UHRF1: variants seen among roughly 807,000 people sequenced by gnomAD.
UHRF1 encodes the protein ubiquitin like with PHD and ring finger domains 1, also known as E3 ubiquitin-protein ligase UHRF1.
In UHRF1, 9 loss-of-function variants were observed where a neutral mutation model predicts 96.5. The ratio of observed to expected loss-of-function variants is 0.09; its 90% CI spans 0.06 to 0.16. The LOEUF (loss-of-function observed/expected upper bound fraction) is 0.16, where lower values mean the gene tolerates loss of function less well. UHRF1 is among the 10% of genes least tolerant of loss of function. The pLI is 1.00. For synonymous variants in UHRF1, 455 were observed against 469.9 expected (o/e 0.97, Z 0.41); for missense variants, 626 against 1,131.1 (o/e 0.55, Z 6.40).
chr19:4,941,673 G>A (rs1318854896), intron 6 of UHRF1, 45 bp downstream of exon 6: 1 of 1,585,422 alleles, frequency 6.3e-7, no homozygotes. Context: ...GGTGGGCACG[G>A]GGCGGGGGCT....
chr19:4,955,940 A>AT (rs1303614391), intron 15 of UHRF1, among the ~76,000 whole-genome samples: 20 of 150,808 alleles, frequency 1.3e-4, no homozygotes, highest in Middle Eastern at 3.4e-3. Flanking sequence ...TATTTTTATT[A>AT]TTTTTTTTTG....
At chr19:4,947,488 A>ATTTTTTTTTTT (rs1568427975) in intron 11 of UHRF1, among the ~76,000 whole-genome samples, 16 of 70,362 alleles carry the variant, frequency 2.3e-4, no homozygotes, top group South Asian at 5.2e-4. Context: ...GATAATAGAT[A>ATTTTTTTTTTT]TCTTTTTTTT....
At chr19:4,933,955 CTT>C (rs2033137250) in intron 5 of UHRF1, among the ~76,000 whole-genome samples, 2 of 90,492 alleles carry the variant, frequency 2.2e-5, no homozygotes, top group Non-Finnish European at 4.2e-5. Context: ...TCCCTTGCCT[CTT>C]TGTGTGTGTG....
chr19:4,927,128 C>T (rs374164590), intron 2 of UHRF1, among the ~76,000 whole-genome samples: 1 of 151,842 alleles, frequency 6.6e-6, no homozygotes, highest in East Asian at 1.9e-4. Context: ...TGCTGTAATC[C>T]CAGCTCTTTG....
chr19:4,926,453 G>T (rs1254073546), intron 2 of UHRF1, among the ~76,000 whole-genome samples: 1 of 152,192 alleles, frequency 6.6e-6, no homozygotes, highest in Admixed American at 6.6e-5. Context: ...GTGGGCCCTC[G>T]ATGTCCACGG....
At chr19:4,926,357 GCCT>G in intron 2 of UHRF1, among the ~76,000 whole-genome samples, 1 of 152,324 alleles carries the variant, frequency 6.6e-6, no homozygotes, top group East Asian at 1.9e-4. Context: ...CTGGCCCTGA[GCCT>G]CCTCCTGGCT....
chr19:4,934,173 G>A (rs1290170808), intron 5 of UHRF1, among the ~76,000 whole-genome samples: 2 of 151,592 alleles, frequency 1.3e-5, no homozygotes, highest in Admixed American at 6.6e-5. Flanking sequence ...ACAGGCGCCC[G>A]CCACCACGTC....
At chr19:4,929,120 C>CCT (rs2032966418) in intron 2 of UHRF1, 102 bp from the exon 3 acceptor site, 2 of 1,472,950 alleles carry the variant, frequency 1.4e-6, no homozygotes, top group African/African-American at 1.4e-5. Flanking sequence ...TTGCCCCCCC[C>CCT]CCACAAGGGC....
At position 4,920,346 on chromosome 19, in the gene UHRF1, C is replaced by T. The variant is rs189742789; in HGVS notation, c.154-8876C>T. Among the ~76,000 whole-genome samples the T allele has an allele frequency of 8.3e-3, 1,265 of 152,054 alleles. 14 individuals carry two copies. The highest frequency in any genetic ancestry group is 0.014 in the Middle Eastern group (4 of 294). ...ATTCGGGAGGCTGAGGCAGGAGAAT[C>T]GCTTGAACCCGGGAGACGGAGGTTG... On this transcript the variant is annotated intron_variant, in intron 2 of 16. Coordinates refer to ENST00000650932, the MANE Select transcript of UHRF1 (RefSeq NM_001048201.3).
intron 16 of UHRF1, 65 bp downstream of exon 16, chr19:4,956,878 C>A: frequency 8.9e-7 from 1 of 1,125,704 alleles, no homozygotes; most frequent in Non-Finnish European, 1.3e-6. Flanking sequence ...CCTCCCGTTC[C>A]CACATGCCTG....
chr19:4,915,238 C>T (rs1022398166), intron 2 of UHRF1, among the ~76,000 whole-genome samples: 4 of 152,176 alleles, frequency 2.6e-5, no homozygotes, highest in Non-Finnish European at 5.9e-5. Context: ...CTTCTGTCTG[C>T]GGGAGGGAGG....
chr19:4,928,069 C>T (rs548840103), intron 2 of UHRF1, among the ~76,000 whole-genome samples: 8 of 152,116 alleles, frequency 5.3e-5, no homozygotes, highest in Non-Finnish European at 1.0e-4. Context: ...CCTGTGGAAT[C>T]CTTCACCAGG....
chr19:4,913,978 A>AT (rs897905379), intron 2 of UHRF1, among the ~76,000 whole-genome samples: 2 of 150,844 alleles, frequency 1.3e-5, no homozygotes, highest in African/African-American at 4.9e-5. Context: ...TGCGCAGCTA[A>AT]TTTTTTTTGT....
Position 4,929,538 on chromosome 19 carries a change from C to T in UHRF1, c.408+62C>T, listed in dbSNP as rs142336628. ...GTTCTCCCTGCCATTCTGGTCTTTG[C>T]ATACCCAGGGCTCACAGGAGGGGCT... On this transcript the variant is annotated intron_variant, in intron 3 of 16. Transcript: ENST00000650932. 5 of 1,563,092 alleles carry T rather than the reference C, an allele frequency of 3.2e-6. No individual in the cohort carries two copies. In the African/African-American group the frequency reaches 6.8e-5, roughly 21 times the overall value.
intron 5 of UHRF1, among the ~76,000 whole-genome samples, chr19:4,934,980 C>CTT (rs34325579): frequency 2.1e-4 from 31 of 149,960 alleles, no homozygotes; most frequent in South Asian, 6.3e-4. Flanking sequence ...TGGTGACTAA[C>CTT]TTTTTTTTTT....
intron 10 of UHRF1, among the ~76,000 whole-genome samples, chr19:4,946,318 G>A (rs17884420): frequency 0.014 from 2,140 of 152,140 alleles, 54 homozygotes; most frequent in African/African-American, 0.048. Flanking sequence ...TGAGCCCGAC[G>A]TCCTTGCTTT....
At chr19:4,948,235 C>T (rs1352363773) in intron 11 of UHRF1, among the ~76,000 whole-genome samples, 3 of 152,022 alleles carry the variant, frequency 2.0e-5, no homozygotes, top group Non-Finnish European at 1.5e-5. Context: ...AGTGAGTGAG[C>T]ATGGCTGTGT....
In UHRF1 at chr19:4,944,122, G is replaced by A. The variant is rs753187599; in HGVS notation, c.1074-10G>A. The A allele has an allele frequency of 1.5e-5, 24 of 1,613,398 alleles. No homozygotes were observed. The East Asian group carries it at 1.8e-4, about 12-fold the overall frequency. On this transcript the variant is annotated splice_polypyrimidine_tract_variant and intron_variant, in intron 7 of 16. Transcript: ENST00000650932. ...GCTAGGCGTGGGCAGTGACAATCCC[G>A]ACCTCGCAGGTACTGCCCTGAGTGC...
intron 15 of UHRF1, among the ~76,000 whole-genome samples, chr19:4,956,207 A>G (rs2033852336): frequency 6.6e-6 from 1 of 152,202 alleles, no homozygotes; most frequent in African/African-American, 2.4e-5. Flanking sequence ...CTGGGATTAC[A>G]GGCGTGAGCC....
Sources: gnomAD v4.1 joint callset for allele counts (sites outside exome capture counted in the v4.1 genomes callset) on GRCh38, gnomAD v4.1.1 for gene constraint, MANE v1.5 for transcripts, NCBI Gene and HGNC (gene_info 2026-07-23, HGNC 2026-07-21) for gene names.